GOLIM4: variants seen among roughly 807,000 people sequenced by gnomAD.
GOLIM4 encodes golgi integral membrane protein 4.
In GOLIM4, 71 loss-of-function variants were observed where a neutral mutation model predicts 107.4. That is an observed-to-expected ratio of 0.66 (90% CI 0.55 to 0.81). The LOEUF is 0.81. GOLIM4 is among the 30% of genes least tolerant of loss of function. The pLI is 0.00. For synonymous variants in GOLIM4, 327 were observed against 294.8 expected (o/e 1.11, Z -1.12); for missense variants, 830 against 826.1 (o/e 1.00, Z -0.06).
chr3:168,075,247 T>A (rs559268273), intron 1 of GOLIM4, among the ~76,000 whole-genome samples: 1 of 150,458 alleles, frequency 6.6e-6, no homozygotes, highest in Non-Finnish European at 1.5e-5. Flanking sequence ...TTCTTTAAGT[T>A]AGAAAACAAA....
At chr3:168,044,950 C>A in intron 3 of GOLIM4, 69 bp from the exon 4 acceptor site, 1 of 831,636 alleles carries the variant, frequency 1.2e-6, no homozygotes. Context: ...CAGCTTAAAG[C>A]ACTTTAAAAT....
intron 1 of GOLIM4, among the ~76,000 whole-genome samples, chr3:168,090,298 A>G (rs1721843310): frequency 1.3e-5 from 2 of 152,054 alleles, no homozygotes; most frequent in South Asian, 4.1e-4. Context: ...GCTAATATCC[A>G]GAAGCTACAA....
chr3:168,040,956 T>C, intron 6 of GOLIM4, 87 bp from the exon 7 acceptor site: 1 of 812,748 alleles, frequency 1.2e-6, no homozygotes, highest in South Asian at 1.5e-5. Context: ...TACCCAAATG[T>C]TACTTGCTTG....
At chr3:168,053,447 T>C (rs143695864) in intron 1 of GOLIM4, among the ~76,000 whole-genome samples, 3 of 152,310 alleles carry the variant, frequency 2.0e-5, no homozygotes, top group Admixed American at 2.0e-4. Flanking sequence ...AGTCACACAA[T>C]TCAACTTGTG....
chr3:168,043,282 A>G (rs62273307), intron 5 of GOLIM4, 97 bp downstream of exon 5: 136,063 of 780,626 alleles, frequency 0.17, 13,047 homozygotes, highest in Middle Eastern at 0.23. Flanking sequence ...GATAAATGTA[A>G]ATCGATCACC....
At chr3:168,089,033 A>G (rs1431346705) in intron 1 of GOLIM4, among the ~76,000 whole-genome samples, 1 of 152,252 alleles carries the variant, frequency 6.6e-6, no homozygotes, top group Non-Finnish European at 1.5e-5. Flanking sequence ...AGGTGGGCAC[A>G]ACGTGTGAAA....
intron 1 of GOLIM4, among the ~76,000 whole-genome samples, chr3:168,049,931 T>C (rs1719519223): frequency 6.6e-6 from 1 of 152,152 alleles, no homozygotes; most frequent in Admixed American, 6.5e-5. Flanking sequence ...CCTACCTCTA[T>C]TCACACCTCT....
chr3:168,095,564 C>G lies in GOLIM4; in HGVS notation c.-279G>C, dbSNP rs570064939. On this transcript the variant is annotated 5_prime_UTR_variant, in exon 1 of 16. Coordinates refer to ENST00000470487, the MANE Select transcript of GOLIM4 (RefSeq NM_014498.5). ...CCGGGAGGAGGCCCTCCGCATACTT[C>G]AGAGCCGGCTGCCCTCGCGCCTGTC... The G allele has an allele frequency of 2.4e-4, 101 of 412,812 alleles. No homozygotes were observed. The highest frequency in any genetic ancestry group is 2.0e-3 in the African/African-American group (93 of 46,572). 25.6% of individuals were successfully genotyped at this position (412,812 alleles called of 1,614,324 possible). A position where few individuals can be genotyped will look rare whatever the true frequency, so the allele number is the denominator to read the frequency against.
chr3:168,009,426 C>CAGA lies in GOLIM4; in HGVS notation c.*842_*843insTCT, dbSNP rs201375757. Reference sequence around the variant, plus strand: ...AAACAAGAATATCAATCAATGGCTTCAAACAAAAAAAAAAAAAAAAAATTG... The same window carrying CAGA: ...AAACAAGAATATCAATCAATGGCTTCAGAAAACAAAAAAAAAAAAAAAAAATTG... On this transcript the variant is annotated 3_prime_UTR_variant, in exon 16 of 16. Coordinates refer to ENST00000470487, the MANE Select transcript of GOLIM4 (RefSeq NM_014498.5). 5.3e-3 allele frequency: 46 copies of CAGA among 8,640 alleles called. No individual in the cohort carries two copies. The highest frequency in any genetic ancestry group is 0.017 in the East Asian group (1 of 60). 0.5% of individuals were successfully genotyped at this position (8,640 alleles called of 1,614,324 possible).
intron 1 of GOLIM4, among the ~76,000 whole-genome samples, chr3:168,068,578 T>TA (rs891746417): frequency 3.9e-5 from 6 of 152,182 alleles, no homozygotes. Context: ...ATAGTTTTTT[T>TA]TTAATACTAA....
chr3:168,064,251 G>A (rs1200776648), intron 1 of GOLIM4, among the ~76,000 whole-genome samples: 1 of 152,122 alleles, frequency 6.6e-6, no homozygotes, highest in African/African-American at 2.4e-5. Context: ...ACTACACTGT[G>A]GGGCTACTTA....
At chr3:168,064,535 G>A (rs182668310) in intron 1 of GOLIM4, among the ~76,000 whole-genome samples, 153 of 152,006 alleles carry the variant, frequency 1.0e-3, no homozygotes, top group African/African-American at 3.6e-3. Context: ...GGAATTCATT[G>A]GCAACCTCTA....
chr3:168,018,994 A>AAG (rs2108213964), intron 14 of GOLIM4, among the ~76,000 whole-genome samples: 1 of 151,970 alleles, frequency 6.6e-6, no homozygotes, highest in African/African-American at 2.4e-5. Context: ...AAAAAAAAAA[A>AAG]AAGAAAACAA....
In GOLIM4 at chr3:168,029,840, A is replaced by G. The variant is rs778912156; in HGVS notation, c.1373T>C (p.Met458Thr). The change falls in exon 10 of 16, where the codon ATG becomes ACG. Residue 458 changes from methionine (M) to threonine (T), a missense_variant. By Grantham distance (81) the Met-to-Thr change is moderately conservative. Transcript: ENST00000470487. ...AAGCTCAGCCTGCCTCTGCAGGGCCATCTCTCTTGCCACCTGCTGCTGCTG... is the reference window on the plus strand; with the variant it reads ...AAGCTCAGCCTGCCTCTGCAGGGCCGTCTCTCTTGCCACCTGCTGCTGCTG... Reference protein sequence around the residue: ...EQQQQQVAREMALQRQAELEE... With the variant: ...EQQQQQVARETALQRQAELEE... 1 of 1,614,102 alleles carries G rather than the reference A, an allele frequency of 6.2e-7. No homozygotes were observed. The highest frequency in any genetic ancestry group is 1.1e-5 in the South Asian group (1 of 91,064).
At chr3:168,051,340 C>T (rs1361551122) in intron 1 of GOLIM4, among the ~76,000 whole-genome samples, 2 of 152,202 alleles carry the variant, frequency 1.3e-5, no homozygotes, top group African/African-American at 4.8e-5. Context: ...AATCATACAA[C>T]TGTCTTTGAC....
chr3:168,095,042 C>T (rs887291913), intron 1 of GOLIM4, 57 bp downstream of exon 1: 14 of 1,393,572 alleles, frequency 1.0e-5, no homozygotes, highest in Non-Finnish European at 1.4e-5. Context: ...TTTTCCTGCC[C>T]GGGTGGAGGC....
Position 168,028,129 on chromosome 3 carries a change from T to C in GOLIM4, c.1514-292A>G, listed in dbSNP as rs1244489822. Reference sequence around the variant, plus strand: ...GAAAACAACAACAATCAAAACTCTCTCAATAAAAGAAAGCCCAGTTGATTG... The same window carrying C: ...GAAAACAACAACAATCAAAACTCTCCCAATAAAAGAAAGCCCAGTTGATTG... On this transcript the variant is annotated intron_variant, in intron 11 of 15. Coordinates refer to ENST00000470487, the MANE Select transcript of GOLIM4 (RefSeq NM_014498.5). 2.0e-5 allele frequency among the ~76,000 whole-genome samples: 3 copies of C among 152,272 alleles called. No homozygotes were observed. In the Middle Eastern group the frequency reaches 0.01, roughly 518 times the overall value.
chr3:168,031,426 T>C (rs1186439009), intron 9 of GOLIM4, among the ~76,000 whole-genome samples: 1 of 152,244 alleles, frequency 6.6e-6, no homozygotes, highest in Non-Finnish European at 1.5e-5. Context: ...ATACATTATA[T>C]GAATGTTTCA....
chr3:168,092,842 AAAAAAC>A (rs1416181794), intron 1 of GOLIM4, among the ~76,000 whole-genome samples: 1 of 152,240 alleles, frequency 6.6e-6, no homozygotes, highest in Non-Finnish European at 1.5e-5. Context: ...GTGAATCCAC[AAAAAAC>A]AAAAACAAAC....
Sources: gnomAD v4.1 joint callset for allele counts (sites outside exome capture counted in the v4.1 genomes callset) on GRCh38, gnomAD v4.1.1 for gene constraint, MANE v1.5 for transcripts, NCBI Gene and HGNC (gene_info 2026-07-23, HGNC 2026-07-21) for gene names.